NR3C2: variants seen among roughly 807,000 people sequenced by gnomAD.
NR3C2 encodes nuclear receptor subfamily 3 group C member 2, also known as mineralocorticoid receptor.
In NR3C2, 15 loss-of-function variants were observed where a neutral mutation model predicts 86.4. The observed-to-expected ratio is 0.17, with a 90% confidence interval of 0.12 to 0.27. The LOEUF (loss-of-function observed/expected upper bound fraction) is 0.27, where lower values mean the gene tolerates loss of function less well. NR3C2 is among the 10% of genes least tolerant of loss of function. The pLI is 1.00. For synonymous variants in NR3C2, 458 were observed against 450.5 expected (o/e 1.02, Z -0.21); for missense variants, 960 against 1,195.6 (o/e 0.80, Z 2.91).
At chr4:148,403,924 T>C (rs1471460099) in intron 2 of NR3C2, among the ~76,000 whole-genome samples, 4 of 152,102 alleles carry the variant, frequency 2.6e-5, no homozygotes, top group Non-Finnish European at 1.5e-5. Context: ...ATTTGTTAAA[T>C]ATGTAAAGTT....
intron 2 of NR3C2, among the ~76,000 whole-genome samples, chr4:148,327,490 T>G (rs1424402035): frequency 1.3e-5 from 2 of 152,168 alleles, no homozygotes; most frequent in Non-Finnish European, 2.9e-5. Flanking sequence ...CAACTGTGTG[T>G]TCTGGAGCAC....
intron 2 of NR3C2, among the ~76,000 whole-genome samples, chr4:148,416,081 A>C (rs1241656590): frequency 6.6e-6 from 1 of 152,150 alleles, no homozygotes; most frequent in Non-Finnish European, 1.5e-5. Context: ...ATTTCCTATA[A>C]ATTTTCTTCA....
At chr4:148,193,063 C>A (rs1036880562) in intron 4 of NR3C2, among the ~76,000 whole-genome samples, 3 of 152,206 alleles carry the variant, frequency 2.0e-5, no homozygotes, top group African/African-American at 4.8e-5. Flanking sequence ...TGGAGTTTTA[C>A]CCCCTGCTCC....
At chr4:148,110,594 C>G (rs921159733) in intron 8 of NR3C2, among the ~76,000 whole-genome samples, 1 of 152,140 alleles carries the variant, frequency 6.6e-6, no homozygotes, top group Non-Finnish European at 1.5e-5. Flanking sequence ...AGAAAGGTCC[C>G]TCTAGACTTA....
At chr4:148,082,625 A>G (rs1034219583) in intron 8 of NR3C2, among the ~76,000 whole-genome samples, 2 of 150,940 alleles carry the variant, frequency 1.3e-5, no homozygotes, top group Non-Finnish European at 2.9e-5. Context: ...TTCAAGCACA[A>G]AACTGGGCAC....
chr4:148,426,498 A>G (rs1475156406), intron 2 of NR3C2, among the ~76,000 whole-genome samples: 1 of 152,228 alleles, frequency 6.6e-6, no homozygotes, highest in African/African-American at 2.4e-5. Flanking sequence ...ATAGTGGGTC[A>G]GATTTCTAGA....
chr4:148,319,143 C>G lies in NR3C2; in HGVS notation c.1758-59026G>C, dbSNP rs1444704960. 2.6e-5 allele frequency among the ~76,000 whole-genome samples: 4 copies of G among 151,170 alleles called. No homozygotes were observed. The East Asian group carries it at 7.7e-4, about 29-fold the overall frequency. ...ATTTATTAAATAGGGAGTCCTTTCC[C>G]CATTGCTCGTTTTTCTCAGGTTTGT... On this transcript the variant is annotated intron_variant, in intron 2 of 8. Transcript: ENST00000358102.
chr4:148,392,734 G>C (rs1316798720), intron 2 of NR3C2, among the ~76,000 whole-genome samples: 2 of 152,148 alleles, frequency 1.3e-5, no homozygotes. Flanking sequence ...CATTGTAAAA[G>C]TATTTTACCA....
intron 3 of NR3C2, among the ~76,000 whole-genome samples, chr4:148,223,414 A>G (rs1285123055): frequency 2.0e-5 from 3 of 152,194 alleles, no homozygotes; most frequent in Non-Finnish European, 4.4e-5. Flanking sequence ...AAACTGGCTG[A>G]GCACACAGAC....
Position 148,088,387 on chromosome 4 carries a change from A to G in NR3C2, c.2800-6888T>C, listed in dbSNP as rs1730911497. 2.6e-5 allele frequency among the ~76,000 whole-genome samples: 4 copies of G among 152,334 alleles called. No homozygotes were observed. The South Asian group carries it at 8.3e-4, about 32-fold the overall frequency. On this transcript the variant is annotated intron_variant, in intron 8 of 8. Transcript: ENST00000358102. ...TGGGTATATACCCAAAGGATTATAA[A>G]TCATTCTATTATAAAGACACATGCA...
chr4:148,355,208 G>A (rs928213163), intron 2 of NR3C2, among the ~76,000 whole-genome samples: 1 of 152,124 alleles, frequency 6.6e-6, no homozygotes, highest in Non-Finnish European at 1.5e-5. Context: ...GCTTCTCAAG[G>A]TGAGATCCAT....
At chr4:148,129,113 T>C (rs923112922) in intron 6 of NR3C2, among the ~76,000 whole-genome samples, 1 of 152,194 alleles carries the variant, frequency 6.6e-6, no homozygotes, top group African/African-American at 2.4e-5. Context: ...AGGCAAAAGA[T>C]AGAAGCAACC....
intron 6 of NR3C2, among the ~76,000 whole-genome samples, chr4:148,121,140 G>A (rs1378450744): frequency 1.3e-5 from 2 of 152,186 alleles, no homozygotes; most frequent in Admixed American, 1.3e-4. Flanking sequence ...CACTATTGGT[G>A]AAAAATGGGA....
chr4:148,088,640 C>A (rs1374237620), intron 8 of NR3C2, among the ~76,000 whole-genome samples: 16 of 150,446 alleles, frequency 1.1e-4, no homozygotes, highest in African/African-American at 3.7e-4. Context: ...TGCATGTTCT[C>A]ACTCATAAGT....
intron 6 of NR3C2, among the ~76,000 whole-genome samples, chr4:148,134,562 T>C (rs1216150344): frequency 6.6e-6 from 1 of 151,126 alleles, no homozygotes; most frequent in Admixed American, 6.6e-5. Context: ...TGGTTTTTTG[T>C]GTTCATTGCT....
At chr4:148,185,445 G>A (rs1481816472) in intron 4 of NR3C2, among the ~76,000 whole-genome samples, 1 of 152,210 alleles carries the variant, frequency 6.6e-6, no homozygotes, top group Non-Finnish European at 1.5e-5. Flanking sequence ...GTCCTGATCA[G>A]CCAGCCAGTT....
At chr4:148,099,347 C>T (rs1731433111) in intron 8 of NR3C2, among the ~76,000 whole-genome samples, 1 of 152,192 alleles carries the variant, frequency 6.6e-6, no homozygotes, top group East Asian at 1.9e-4. Flanking sequence ...TGACACCTAA[C>T]CTATCAGCAA....
At chr4:148,082,790 C>T (rs945992426) in intron 8 of NR3C2, among the ~76,000 whole-genome samples, 1 of 151,998 alleles carries the variant, frequency 6.6e-6, no homozygotes, top group Non-Finnish European at 1.5e-5. Context: ...ATCCCACCAC[C>T]ACGGAGCCTA....
At chr4:148,192,996 G>A (rs1051515410) in intron 4 of NR3C2, among the ~76,000 whole-genome samples, 7 of 152,186 alleles carry the variant, frequency 4.6e-5, no homozygotes, top group African/African-American at 1.7e-4. Flanking sequence ...CTGGCAAGGA[G>A]GCTTCTCACC....
Sources: allele counts gnomAD v4.1 joint callset (sites outside exome capture counted in the v4.1 genomes callset), GRCh38; gene constraint gnomAD v4.1.1; transcripts MANE v1.5; gene names NCBI Gene and HGNC (gene_info 2026-07-23, HGNC 2026-07-21).